Variants in ZNF618 observed in about 807,000 individuals in gnomAD.
The protein encoded by ZNF618 is zinc finger protein 618.
A neutral mutation model predicts 103.0 loss-of-function variants in ZNF618; 34 were observed. The ratio of observed to expected loss-of-function variants is 0.33; its 90% CI spans 0.25 to 0.44. ZNF618 has a LOEUF of 0.44. Among genes scored for constraint, ZNF618 ranks in the 20% least tolerant of loss-of-function variants. The pLI is 1.00. For synonymous variants in ZNF618, 551 were observed against 542.2 expected (o/e 1.02, Z -0.23); for missense variants, 1,059 against 1,295.4 (o/e 0.82, Z 2.80).
chr9:114,019,314 G>A (rs1046946859), intron 10 of ZNF618, among the ~76,000 whole-genome samples: 7 of 152,198 alleles, frequency 4.6e-5, no homozygotes, highest in Non-Finnish European at 1.0e-4. Context: ...ATGCTTATAT[G>A]AGGATTTTGT....
chr9:113,958,064 G>T (rs939419235), intron 1 of ZNF618, among the ~76,000 whole-genome samples: 6 of 151,784 alleles, frequency 4.0e-5, no homozygotes, highest in South Asian at 2.1e-4. Flanking sequence ...TGACTGGAAA[G>T]AACTGAGATT....
intron 1 of ZNF618, among the ~76,000 whole-genome samples, chr9:113,939,635 C>T (rs575874360): frequency 6.6e-6 from 1 of 151,668 alleles, no homozygotes; most frequent in East Asian, 1.9e-4. Context: ...CAAATTTCTT[C>T]CTCTAATTAT....
chr9:114,021,607 G>T (rs1843070763), intron 10 of ZNF618, among the ~76,000 whole-genome samples: 1 of 152,078 alleles, frequency 6.6e-6, no homozygotes, highest in Non-Finnish European at 1.5e-5. Flanking sequence ...TAAAGTGCCT[G>T]TTATTTAAAG....
intron 1 of ZNF618, among the ~76,000 whole-genome samples, chr9:113,891,829 TA>T (rs1829639701): frequency 6.6e-6 from 1 of 152,150 alleles, no homozygotes; most frequent in Admixed American, 6.6e-5. Context: ...GTTAAGATGG[TA>T]AGAGAAACAA....
At chr9:113,926,149 G>A (rs1026458918) in intron 1 of ZNF618, among the ~76,000 whole-genome samples, 3 of 132,560 alleles carry the variant, frequency 2.3e-5, no homozygotes, top group African/African-American at 8.1e-5. Flanking sequence ...CTAGGTTGGT[G>A]TTGTTTTTTT....
intron 1 of ZNF618, 141 bp from the exon 2 acceptor site, chr9:113,968,975 TG>T: frequency 1.1e-6 from 1 of 921,998 alleles, no homozygotes; most frequent in Non-Finnish European, 1.8e-6. Context: ...TTGTCCAGCC[TG>T]GAGGAGCGGG....
chr9:113,994,524 G>A (rs1371558396), intron 3 of ZNF618, among the ~76,000 whole-genome samples: 3 of 152,224 alleles, frequency 2.0e-5, no homozygotes, highest in African/African-American at 4.8e-5. Flanking sequence ...TAAGTCAAGA[G>A]CCCAGGGTTT....
At chr9:113,980,594 C>G (rs561113804) in intron 2 of ZNF618, among the ~76,000 whole-genome samples, 2 of 152,286 alleles carry the variant, frequency 1.3e-5, no homozygotes, top group East Asian at 3.9e-4. Flanking sequence ...AATAAAAGTA[C>G]AAGTCTCCAT....
At chr9:113,959,551 G>T (rs1056222640) in intron 1 of ZNF618, among the ~76,000 whole-genome samples, 2 of 152,168 alleles carry the variant, frequency 1.3e-5, no homozygotes, top group Non-Finnish European at 2.9e-5. Flanking sequence ...ACATAGCCCT[G>T]CAGGGGAGGC....
chr9:114,011,728 A>G (rs1167359081), intron 9 of ZNF618, among the ~76,000 whole-genome samples: 1 of 152,232 alleles, frequency 6.6e-6, no homozygotes. Flanking sequence ...GCTGGGAAGT[A>G]CACCTTTCAC....
At chr9:113,947,521 T>C (rs1269844961) in intron 1 of ZNF618, among the ~76,000 whole-genome samples, 1 of 152,218 alleles carries the variant, frequency 6.6e-6, no homozygotes, top group Non-Finnish European at 1.5e-5. Context: ...GCACAGGGCC[T>C]GACACACAGA....
chr9:113,880,108 C>G (rs1828377594), intron 1 of ZNF618, among the ~76,000 whole-genome samples: 2 of 152,006 alleles, frequency 1.3e-5, no homozygotes, highest in African/African-American at 4.8e-5. Flanking sequence ...TTCCTCTGAC[C>G]TCAGAATCCT....
At chr9:113,943,456 G>A (rs555939130) in intron 1 of ZNF618, among the ~76,000 whole-genome samples, 14 of 152,280 alleles carry the variant, frequency 9.2e-5, no homozygotes, top group African/African-American at 3.4e-4. Flanking sequence ...GTTAGGGAGT[G>A]TCTGGGCAGG....
chr9:113,973,519 T>C (rs1838200441), intron 2 of ZNF618, among the ~76,000 whole-genome samples: 1 of 152,170 alleles, frequency 6.6e-6, no homozygotes, highest in African/African-American at 2.4e-5. Context: ...AACAACCGAA[T>C]GTGGTTTGGT....
At chr9:114,009,929 T>C (rs894822650) in intron 9 of ZNF618, among the ~76,000 whole-genome samples, 1 of 152,248 alleles carries the variant, frequency 6.6e-6, no homozygotes, top group African/African-American at 2.4e-5. Context: ...AAACTGAAGA[T>C]GAGATAATGT....
At chr9:113,989,168 C>G (rs555418272) in intron 3 of ZNF618, among the ~76,000 whole-genome samples, 2 of 152,334 alleles carry the variant, frequency 1.3e-5, no homozygotes, top group East Asian at 1.9e-4. Flanking sequence ...CTCAAATGCC[C>G]ATGAGGCCCA....
At chr9:113,911,190 T>C (rs997805185) in intron 1 of ZNF618, among the ~76,000 whole-genome samples, 1 of 152,236 alleles carries the variant, frequency 6.6e-6, no homozygotes, top group African/African-American at 2.4e-5. Flanking sequence ...AAGTTTGTTT[T>C]TCTTTGTTAT....
Position 113,900,102 on chromosome 9 carries a change from G to C in ZNF618, c.33+23689G>C, listed in dbSNP as rs190675931. Among the ~76,000 whole-genome samples, 208 of 152,148 alleles carry C rather than the reference G, an allele frequency of 1.4e-3. 1 individual carries two copies. The highest frequency in any genetic ancestry group is 6.8e-3 in the Middle Eastern group (2 of 294). ...AGACCGAGTCTTGCTGTGTTGCCCA[G>C]GTTGGAGTGCAGTGGTGTTATCTCG... On this transcript the variant is annotated intron_variant, in intron 1 of 14. Transcript: ENST00000374126.
Position 113,984,492 on chromosome 9 carries a change from C to A in ZNF618, c.78-3829C>A, listed in dbSNP as rs776086419. ...CAGGGCTGCAGGGTGTAGGGGTGGG[C>A]AGATGAGAGTTCCACCCAGCCTGCC... is the stretch of plus-strand genomic sequence containing the variant. On this transcript the variant is annotated intron_variant, in intron 2 of 14. Transcript: ENST00000374126. Among the ~76,000 whole-genome samples, 11 of 152,310 alleles carry A rather than the reference C, an allele frequency of 7.2e-5. No individual in the cohort carries two copies. The South Asian group carries it at 8.3e-4, about 11-fold the overall frequency.
Sources: allele counts gnomAD v4.1 joint callset (sites outside exome capture counted in the v4.1 genomes callset), GRCh38; gene constraint gnomAD v4.1.1; transcripts MANE v1.5; gene names NCBI Gene and HGNC (gene_info 2026-07-23, HGNC 2026-07-21).